Variants in FNIP1 observed in about 807,000 individuals in gnomAD.
FNIP1 encodes the protein folliculin interacting protein 1.
In FNIP1, 40 loss-of-function variants were observed where a neutral mutation model predicts 124.5. That is an observed-to-expected ratio of 0.32 (90% CI 0.25 to 0.42). The LOEUF (loss-of-function observed/expected upper bound fraction) is 0.42. Among genes scored for constraint, FNIP1 ranks in the 10% least tolerant of loss-of-function variants. The probability of loss-of-function intolerance (pLI) is 1.00; values close to 1 mark genes in which losing one functional copy is unlikely to be tolerated. For missense variants in FNIP1, 1,176 were observed against 1,403.7 expected (o/e 0.84, Z 2.59); for synonymous variants, 472 against 470.6 (o/e 1.00, Z -0.04).
At chr5:131,652,627 C>A (rs528883160) in intron 15 of FNIP1, among the ~76,000 whole-genome samples, 1 of 152,316 alleles carries the variant, frequency 6.6e-6, no homozygotes, top group East Asian at 1.9e-4. Flanking sequence ...AGGCGTGAGA[C>A]ACTGCACCTG....
intron 1 of FNIP1, among the ~76,000 whole-genome samples, chr5:131,785,537 A>T (rs2149587381): frequency 7.1e-6 from 1 of 141,306 alleles, no homozygotes; most frequent in African/African-American, 2.7e-5. Context: ...CTTGGGCAAC[A>T]GAGACTCCGT....
intron 1 of FNIP1, among the ~76,000 whole-genome samples, chr5:131,754,522 A>G (rs549411317): frequency 6.6e-6 from 1 of 152,332 alleles, no homozygotes; most frequent in Admixed American, 6.5e-5. Context: ...GCCTTGGCCT[A>G]TTGAGTAGGA....
chr5:131,741,048 A>C (rs2149558103), intron 2 of FNIP1, among the ~76,000 whole-genome samples: 1 of 152,144 alleles, frequency 6.6e-6, no homozygotes. Flanking sequence ...AACCATAAAA[A>C]CCCACAATCA....
chr5:131,694,874 G>C (rs1282494548), intron 11 of FNIP1, among the ~76,000 whole-genome samples: 1 of 152,060 alleles, frequency 6.6e-6, no homozygotes, highest in African/African-American at 2.4e-5. Context: ...GGAGGCCAAG[G>C]CACACAGATC....
intron 3 of FNIP1, 81 bp from the exon 4 acceptor site, chr5:131,719,498 CTT>C (rs760226947): frequency 3.1e-6 from 4 of 1,273,606 alleles, no homozygotes; most frequent in Non-Finnish European, 4.4e-6. Flanking sequence ...ATTAAAAATT[CTT>C]GATATAGTTA....
chr5:131,765,163 A>G (rs1190625544), intron 1 of FNIP1, among the ~76,000 whole-genome samples: 1 of 152,138 alleles, frequency 6.6e-6, no homozygotes, highest in East Asian at 1.9e-4. Flanking sequence ...TCCAGATTGC[A>G]GTGAGCTGTG....
At chr5:131,769,056 A>C (rs1190048344) in intron 1 of FNIP1, among the ~76,000 whole-genome samples, 1 of 152,086 alleles carries the variant, frequency 6.6e-6, no homozygotes, top group Non-Finnish European at 1.5e-5. Flanking sequence ...TTTACTTATA[A>C]ATATATATAT....
intron 11 of FNIP1, among the ~76,000 whole-genome samples, chr5:131,685,316 C>G (rs1768235560): frequency 2.0e-5 from 3 of 152,050 alleles, no homozygotes; most frequent in African/African-American, 7.2e-5. Flanking sequence ...TTGAAACCCT[C>G]TCTCAAAAAC....
intron 9 of FNIP1, among the ~76,000 whole-genome samples, chr5:131,704,711 T>C (rs1307100383): frequency 6.6e-6 from 1 of 152,200 alleles, no homozygotes; most frequent in Non-Finnish European, 1.5e-5. Context: ...ACAGTTGTAC[T>C]TAATGTAGAT....
intron 15 of FNIP1, among the ~76,000 whole-genome samples, chr5:131,655,940 A>AC (rs1197604397): frequency 2.6e-5 from 4 of 151,268 alleles, no homozygotes; most frequent in South Asian, 2.1e-4. Flanking sequence ...AACAAAACAA[A>AC]ACAAAAAAAA....
chr5:131,648,459 CAG>C lies in FNIP1; in HGVS notation c.3307-1256_3307-1255del, dbSNP rs766199000. On this transcript the variant is annotated intron_variant, in intron 16 of 17. Transcript: ENST00000510461. ...TCAGGTGCTAAACATTAAATTCATA[CAG>C]AGTGTTCCTTTCCAATGAAAATCAG... 2.0e-5 allele frequency among the ~76,000 whole-genome samples: 3 copies of C among 152,176 alleles called. No homozygotes were observed. The East Asian group carries it at 5.8e-4, about 29-fold the overall frequency.
Position 131,742,922 on chromosome 5 carries a change from A to G in FNIP1, c.219+1642T>C, listed in dbSNP as rs532715695. ...AACTTCCTAACAGTAATTACAATCG[A>G]TCAAAATGTGTCCTGAGTACTTACC... On this transcript the variant is annotated intron_variant, in intron 2 of 17. Coordinates refer to ENST00000510461, the MANE Select transcript of FNIP1 (RefSeq NM_133372.3). Among the ~76,000 whole-genome samples, 3 of 152,356 alleles carry G rather than the reference A, an allele frequency of 2.0e-5. No homozygotes were observed. The South Asian group carries it at 6.2e-4, about 32-fold the overall frequency.
chr5:131,746,481 G>A (rs1179380500), intron 1 of FNIP1, among the ~76,000 whole-genome samples: 2 of 152,132 alleles, frequency 1.3e-5, no homozygotes, highest in Admixed American at 6.5e-5. Context: ...TTATGTCCAT[G>A]AGTATCCAAT....
intron 6 of FNIP1, among the ~76,000 whole-genome samples, chr5:131,714,764 A>T (rs1425377948): frequency 1.3e-5 from 2 of 152,204 alleles, no homozygotes; most frequent in Non-Finnish European, 2.9e-5. Context: ...GACTGAATTG[A>T]GTGCTTCTCC....
chr5:131,726,301 T>G (rs188530625), intron 3 of FNIP1, among the ~76,000 whole-genome samples: 1 of 152,228 alleles, frequency 6.6e-6, no homozygotes, highest in Non-Finnish European at 1.5e-5. Flanking sequence ...CTGGTAGAAT[T>G]TGGCTGTGAA....
At chr5:131,706,681 G>T in intron 8 of FNIP1, 135 bp from the exon 9 acceptor site, 1 of 891,024 alleles carries the variant, frequency 1.1e-6, no homozygotes. Context: ...TTCATTAAAA[G>T]AACACATCCT....
At chr5:131,756,580 A>C (rs1054159297) in intron 1 of FNIP1, among the ~76,000 whole-genome samples, 4 of 152,346 alleles carry the variant, frequency 2.6e-5, no homozygotes, top group Non-Finnish European at 4.4e-5. Context: ...GTTAAGACAC[A>C]GTATCCCGGG....
At chr5:131,707,745 T>C (rs1337750321) in intron 8 of FNIP1, among the ~76,000 whole-genome samples, 1 of 152,116 alleles carries the variant, frequency 6.6e-6, no homozygotes, top group East Asian at 1.9e-4. Context: ...TGCATTCTAA[T>C]ATTAAAAATA....
intron 1 of FNIP1, among the ~76,000 whole-genome samples, chr5:131,771,757 ATTTG>A (rs1448227168): frequency 6.6e-6 from 1 of 152,008 alleles, no homozygotes; most frequent in Non-Finnish European, 1.5e-5. Context: ...TATACCTCTG[ATTTG>A]TTTCTTTCAC....
Sources: allele counts gnomAD v4.1 joint callset (sites outside exome capture counted in the v4.1 genomes callset), GRCh38; gene constraint gnomAD v4.1.1; transcripts MANE v1.5; gene names NCBI Gene and HGNC (gene_info 2026-07-23, HGNC 2026-07-21).